The following MPPED2 variants were observed in gnomAD, a reference collection of about 807,000 sequenced individuals.
The protein encoded by MPPED2 is metallophosphoesterase MPPED2.
MPPED2 carries 5 observed loss-of-function variants against 33.0 expected under a neutral mutation model. That is an observed-to-expected ratio of 0.15 (90% CI 0.08 to 0.32). MPPED2 has a LOEUF of 0.32. Among genes scored for constraint, MPPED2 ranks in the 10% least tolerant of loss-of-function variants. The pLI, the probability that MPPED2 is intolerant of heterozygous loss-of-function variation, is 1.00. For missense variants in MPPED2, 275 were observed against 372.1 expected, an observed-to-expected ratio of 0.74 and a Z score of 2.15; for synonymous variants, 136 against 141.9, an observed-to-expected ratio of 0.96 and a Z score of 0.29.
chr11:30,462,405 G>A (rs531517340), intron 4 of MPPED2, among the ~76,000 whole-genome samples: 1 of 152,182 alleles, frequency 6.6e-6, no homozygotes, highest in Admixed American at 6.5e-5. Flanking sequence ...GGGCGGGAAG[G>A]AATAATAGAC....
At chr11:30,460,623 T>TA (rs1157476059) in intron 4 of MPPED2, among the ~76,000 whole-genome samples, 1 of 152,132 alleles carries the variant, frequency 6.6e-6, no homozygotes, top group Non-Finnish European at 1.5e-5. Context: ...AGCTTGTCTC[T>TA]AAAAAATAAA....
chr11:30,472,736 T>C (rs1951003838), intron 4 of MPPED2, among the ~76,000 whole-genome samples: 1 of 152,144 alleles, frequency 6.6e-6, no homozygotes, highest in Non-Finnish European at 1.5e-5. Flanking sequence ...CAAAATGGAA[T>C]GGTGGTTACT....
At chr11:30,572,916 A>G (rs1042482412) in intron 2 of MPPED2, among the ~76,000 whole-genome samples, 1 of 152,202 alleles carries the variant, frequency 6.6e-6, no homozygotes, top group Non-Finnish European at 1.5e-5. Flanking sequence ...CCAGACTGTT[A>G]AAAGGGGAAG....
At chr11:30,555,582 T>G (rs371952954) in intron 2 of MPPED2, among the ~76,000 whole-genome samples, 6 of 152,122 alleles carry the variant, frequency 3.9e-5, no homozygotes, top group African/African-American at 1.4e-4. Context: ...TGATAGTGAA[T>G]AAGTCTCACA....
chr11:30,521,468 A>G (rs1953874006), intron 3 of MPPED2, among the ~76,000 whole-genome samples: 3 of 152,132 alleles, frequency 2.0e-5, no homozygotes, highest in Admixed American at 6.5e-5. Context: ...GTATCTCAAC[A>G]TCCAAGTGTC....
At chr11:30,408,617 G>A (rs1367357015), downstream of MPPED2, among the ~76,000 whole-genome samples, 1 of 152,112 alleles carries the variant, frequency 6.6e-6, no homozygotes, top group African/African-American at 2.4e-5. Flanking sequence ...TCTTATATCA[G>A]CTCTCAGAGG....
chr11:30,545,410 G>A (rs1009260426), intron 2 of MPPED2, among the ~76,000 whole-genome samples: 2 of 152,134 alleles, frequency 1.3e-5, no homozygotes, highest in Admixed American at 1.3e-4. Flanking sequence ...AATGTCTACT[G>A]TAAGGGAGAA....
At position 30,536,194 on chromosome 11, in the gene MPPED2, A is replaced by G. The variant is rs1376183354; in HGVS notation, c.129-19T>C. The G allele has an allele frequency of 1.9e-6, 3 of 1,547,926 alleles. No individual in the cohort carries two copies. Among genetic ancestry groups the G allele is most frequent in the Non-Finnish European group, 2.6e-6 (3 of 1,149,552 alleles). On this transcript the variant is annotated intron_variant, in intron 2 of 6. Transcript: ENST00000358117. ...GTCGACCCTAAAGTAGACATAACAG[A>G]TCCCATAACAGTTAAACATATTAGA...
chr11:30,558,409 C>CT (rs113061596), intron 2 of MPPED2, among the ~76,000 whole-genome samples: 95 of 147,396 alleles, frequency 6.4e-4, no homozygotes, highest in Middle Eastern at 3.4e-3. Flanking sequence ...TTGCTTCCTT[C>CT]TTTTTTTTTT....
chr11:30,455,417 A>G (rs983345716), intron 4 of MPPED2, among the ~76,000 whole-genome samples: 7 of 152,186 alleles, frequency 4.6e-5, no homozygotes. Context: ...AAGACACTTG[A>G]TCTCTCCTCT....
At chr11:30,566,266 A>C (rs1042577518) in intron 2 of MPPED2, among the ~76,000 whole-genome samples, 1 of 152,202 alleles carries the variant, frequency 6.6e-6, no homozygotes, top group Non-Finnish European at 1.5e-5. Flanking sequence ...CTTTATAAGG[A>C]GTTAAAACAA....
chr11:30,448,520 C>T (rs1319034642), intron 4 of MPPED2, among the ~76,000 whole-genome samples: 5 of 152,178 alleles, frequency 3.3e-5, no homozygotes, highest in Non-Finnish European at 7.3e-5. Context: ...TCACATCTAT[C>T]CTTACAACTG....
At chr11:30,442,612 A>G (rs1949628617) in intron 4 of MPPED2, among the ~76,000 whole-genome samples, 1 of 152,250 alleles carries the variant, frequency 6.6e-6, no homozygotes, top group Non-Finnish European at 1.5e-5. Flanking sequence ...CTACAGTGAC[A>G]CAGAGGCTAG....
rs1209766307 is a variant in MPPED2, at chr11:30,414,219, T to C, written c.766+9A>G. Reference sequence around the variant, plus strand: ...CAAAATGTTTTGAATTCTTTTCCGCTGTTCTTACCTTCATGGATTCCACCA... The same window carrying C: ...CAAAATGTTTTGAATTCTTTTCCGCCGTTCTTACCTTCATGGATTCCACCA... On this transcript the variant is annotated intron_variant, in intron 6 of 6. Transcript: ENST00000358117. The C allele has an allele frequency of 6.3e-7, 1 of 1,595,258 alleles. No individual in the cohort carries two copies. The highest frequency in any genetic ancestry group is 1.1e-5 in the South Asian group (1 of 90,656).
intron 4 of MPPED2, among the ~76,000 whole-genome samples, chr11:30,473,756 A>G (rs751203737): frequency 1.3e-5 from 2 of 152,180 alleles, no homozygotes; most frequent in African/African-American, 2.4e-5. Context: ...GACAGTTACC[A>G]TGTTGTGAGC....
intron 2 of MPPED2, among the ~76,000 whole-genome samples, chr11:30,562,060 T>G (rs998971243): frequency 2.6e-5 from 4 of 152,094 alleles, no homozygotes; most frequent in African/African-American, 9.7e-5. Context: ...CATCTTCATG[T>G]CTCCAAATGG....
intron 4 of MPPED2, among the ~76,000 whole-genome samples, chr11:30,419,697 A>C (rs111860855): frequency 2.0e-5 from 3 of 152,112 alleles, no homozygotes; most frequent in Non-Finnish European, 4.4e-5. Flanking sequence ...CACCCTCAGG[A>C]TTTGGCTGGT....
chr11:30,538,413 T>C (rs1398682111), intron 2 of MPPED2, among the ~76,000 whole-genome samples: 1 of 152,136 alleles, frequency 6.6e-6, no homozygotes, highest in African/African-American at 2.4e-5. Context: ...TAGTTCCCTG[T>C]TCTATGAATC....
At chr11:30,418,251 C>A (rs1948461762) in intron 4 of MPPED2, among the ~76,000 whole-genome samples, 1 of 152,164 alleles carries the variant, frequency 6.6e-6, no homozygotes, top group Non-Finnish European at 1.5e-5. Context: ...TTTTCTTCTG[C>A]CACCAAAGGG....
Sources: allele counts gnomAD v4.1 joint callset (sites outside exome capture counted in the v4.1 genomes callset), GRCh38; gene constraint gnomAD v4.1.1; transcripts MANE v1.5; gene names NCBI Gene and HGNC (gene_info 2026-07-23, HGNC 2026-07-21).